Variants in ERC2 observed in about 807,000 individuals in gnomAD.
ERC2 encodes the protein ELKS/RAB6-interacting/CAST family member 2, also known as ERC protein 2.
ERC2 carries 42 observed loss-of-function variants against 114.8 expected under a neutral mutation model. The observed-to-expected ratio is 0.37, with a 90% CI of 0.29 to 0.47. The LOEUF is 0.47. ERC2 is among the 20% of genes least tolerant of loss of function. ERC2 has a pLI of 0.99. For synonymous variants in ERC2, 454 were observed against 425.5 expected, an observed-to-expected ratio of 1.07 and a Z score of -0.82; for missense variants, 939 against 1,150.7, an observed-to-expected ratio of 0.82 and a Z score of 2.66.
intron 9 of ERC2, among the ~76,000 whole-genome samples, chr3:56,008,219 G>T (rs1032581947): frequency 2.6e-5 from 4 of 152,074 alleles, no homozygotes; most frequent in Non-Finnish European, 5.9e-5. Flanking sequence ...TGTAAACAAC[G>T]TTGGCTAATA....
At chr3:55,667,667 C>T (rs2061405863) in intron 17 of ERC2, among the ~76,000 whole-genome samples, 1 of 152,196 alleles carries the variant, frequency 6.6e-6, no homozygotes, top group African/African-American at 2.4e-5. Flanking sequence ...ACACCGTGCC[C>T]AGCACTTCAC....
chr3:55,783,285 G>A (rs946316262), intron 14 of ERC2, among the ~76,000 whole-genome samples: 2 of 152,154 alleles, frequency 1.3e-5, no homozygotes, highest in African/African-American at 2.4e-5. Context: ...CCACTCCCTG[G>A]CCCAGTAACC....
intron 17 of ERC2, among the ~76,000 whole-genome samples, chr3:55,682,321 G>A (rs760809339): frequency 3.9e-5 from 6 of 152,060 alleles, no homozygotes; most frequent in East Asian, 1.9e-4. Flanking sequence ...TTCCAGTGCC[G>A]TTTTCCCCTT....
intron 2 of ERC2, among the ~76,000 whole-genome samples, chr3:56,311,077 G>C (rs2056508321): frequency 6.6e-6 from 1 of 150,534 alleles, no homozygotes; most frequent in Non-Finnish European, 1.5e-5. Flanking sequence ...AGATAAAGTG[G>C]GTCATTCACT....
chr3:55,823,853 G>A (rs1177323591), intron 14 of ERC2, among the ~76,000 whole-genome samples: 1 of 152,056 alleles, frequency 6.6e-6, no homozygotes, highest in Non-Finnish European at 1.5e-5. Flanking sequence ...AGTTTACTTG[G>A]GCTGCCATAA....
intron 3 of ERC2, among the ~76,000 whole-genome samples, chr3:56,205,887 A>G (rs1408468549): frequency 6.6e-6 from 1 of 152,172 alleles, no homozygotes; most frequent in Non-Finnish European, 1.5e-5. Context: ...AACCTTGAAC[A>G]AGGCTTAAAA....
chr3:55,569,472 A>G (rs1029827285), intron 17 of ERC2, among the ~76,000 whole-genome samples: 1 of 152,182 alleles, frequency 6.6e-6, no homozygotes. Flanking sequence ...TAACGAGGGC[A>G]AGATAAGAGC....
chr3:55,557,379 C>G (rs1393254464), intron 17 of ERC2, among the ~76,000 whole-genome samples: 1 of 152,214 alleles, frequency 6.6e-6, no homozygotes, highest in Non-Finnish European at 1.5e-5. Context: ...AGGGCCCTCC[C>G]TTCCTCTCAG....
At chr3:56,466,268 G>T (rs1312778810) in intron 1 of ERC2, among the ~76,000 whole-genome samples, 1 of 152,160 alleles carries the variant, frequency 6.6e-6, no homozygotes, top group Non-Finnish European at 1.5e-5. Flanking sequence ...TTTATGAAAG[G>T]CTTAATTCAC....
At chr3:56,325,782 T>C (rs926450384) in intron 2 of ERC2, among the ~76,000 whole-genome samples, 6 of 152,222 alleles carry the variant, frequency 3.9e-5, no homozygotes, top group Non-Finnish European at 7.3e-5. Context: ...GAAGTGGGTA[T>C]GATTACCATC....
At chr3:55,585,159 A>C (rs2057535304) in intron 17 of ERC2, among the ~76,000 whole-genome samples, 1 of 152,208 alleles carries the variant, frequency 6.6e-6, no homozygotes, top group Admixed American at 6.5e-5. Context: ...CATTCGGTCC[A>C]GATTCTCTGG....
chr3:55,990,850 T>C (rs1333484121), intron 11 of ERC2, among the ~76,000 whole-genome samples: 1 of 152,186 alleles, frequency 6.6e-6, no homozygotes, highest in East Asian at 1.9e-4. Flanking sequence ...TTCAAGGCCA[T>C]GAAAGGCTAA....
intron 15 of ERC2, among the ~76,000 whole-genome samples, chr3:55,711,546 C>T (rs1576257404): frequency 6.6e-6 from 1 of 152,202 alleles, no homozygotes; most frequent in East Asian, 1.9e-4. Flanking sequence ...TATGCGTATA[C>T]TTTTGTTTAC....
At chr3:56,429,593 C>T (rs1324879564) in intron 2 of ERC2, among the ~76,000 whole-genome samples, 1 of 152,226 alleles carries the variant, frequency 6.6e-6, no homozygotes, top group Non-Finnish European at 1.5e-5. Flanking sequence ...CATCCGTGCA[C>T]TCTGGTTTAT....
intron 17 of ERC2, among the ~76,000 whole-genome samples, chr3:55,587,370 T>A (rs1406838147): frequency 6.6e-6 from 1 of 152,224 alleles, no homozygotes; most frequent in Non-Finnish European, 1.5e-5. Context: ...TCATCCAACA[T>A]TATGTTTTTG....
At position 56,238,424 on chromosome 3, in the gene ERC2, CTGCCTTACT is replaced by C. The variant is rs1357766604; in HGVS notation, c.1074+57586_1074+57594del. ...CAAGTGGGGCCTGGAAGTGAAGAATCTGCCTTACTTGCCTCCCTGGGGAGCTTGAGCAGG... is the reference window on the plus strand; with the variant it reads ...CAAGTGGGGCCTGGAAGTGAAGAATCTGCCTCCCTGGGGAGCTTGAGCAGG... On this transcript the variant is annotated intron_variant, in intron 3 of 17. Transcript: ENST00000288221. Among the ~76,000 whole-genome samples, 5 of 152,262 alleles carry C rather than the reference CTGCCTTACT, an allele frequency of 3.3e-5. No individual in the cohort carries two copies. The East Asian group carries it at 9.6e-4, about 29-fold the overall frequency.
chr3:56,161,613 C>T lies in ERC2; in HGVS notation c.1149+11833G>A, dbSNP rs1010080086. Among the ~76,000 whole-genome samples, 4 of 152,106 alleles carry T rather than the reference C, an allele frequency of 2.6e-5. No individual in the cohort carries two copies. The East Asian group carries it at 7.7e-4, about 29-fold the overall frequency. On this transcript the variant is annotated intron_variant, in intron 4 of 17. Transcript: ENST00000288221. Reference sequence around the variant, plus strand: ...AGTTCTTCTCATAGAGATCTTTCACCTCCTTGGTTAGATGTATTCCTAGGT... The same window carrying T: ...AGTTCTTCTCATAGAGATCTTTCACTTCCTTGGTTAGATGTATTCCTAGGT...
intron 8 of ERC2, among the ~76,000 whole-genome samples, chr3:56,013,773 C>A (rs1353980364): frequency 6.6e-6 from 1 of 152,074 alleles, no homozygotes; most frequent in East Asian, 1.9e-4. Flanking sequence ...GGATCAGAAC[C>A]CTTCGGTATA....
At chr3:55,617,361 C>G (rs1200466150) in intron 17 of ERC2, among the ~76,000 whole-genome samples, 1 of 152,194 alleles carries the variant, frequency 6.6e-6, no homozygotes, top group Non-Finnish European at 1.5e-5. Flanking sequence ...ATGAAGCAAG[C>G]CGACTGCAAT....
Sources: allele counts gnomAD v4.1 joint callset (sites outside exome capture counted in the v4.1 genomes callset), GRCh38; gene constraint gnomAD v4.1.1; transcripts MANE v1.5; gene names NCBI Gene and HGNC (gene_info 2026-07-23, HGNC 2026-07-21).